The following FOXN3 variants were observed in gnomAD, a reference collection of about 807,000 sequenced individuals.
FOXN3 encodes the protein forkhead box N3, also known as forkhead box protein N3.
In FOXN3, 7 loss-of-function variants were observed where a neutral mutation model predicts 38.4. The ratio of observed to expected loss-of-function variants is 0.18; its 90% CI spans 0.10 to 0.34. FOXN3 has a LOEUF of 0.34. FOXN3 is among the 10% of genes least tolerant of loss of function. FOXN3 has a pLI of 1.00. For synonymous variants in FOXN3, 230 were observed against 242.2 expected (o/e 0.95, Z 0.47); for missense variants, 456 against 613.4 (o/e 0.74, Z 2.71).
chr14:89,397,197 T>C (rs1039490069), intron 2 of FOXN3, among the ~76,000 whole-genome samples: 1 of 151,938 alleles, frequency 6.6e-6, no homozygotes, highest in African/African-American at 2.4e-5. Context: ...GAAAACCAAA[T>C]ACCACATGTT....
At chr14:89,565,093 CAAAAAAAAAA>C (rs59821937) in intron 1 of FOXN3, among the ~76,000 whole-genome samples, 1 of 52,898 alleles carries the variant, frequency 1.9e-5, no homozygotes, top group African/African-American at 7.2e-5. Context: ...GAGCTCGTCT[CAAAAAAAAAA>C]AAAAAAAAAA....
At chr14:89,555,882 G>GTGTGTGTGTGTGTGTGTGTGTGGGTGT (rs58769284) in intron 1 of FOXN3, among the ~76,000 whole-genome samples, 1 of 104,602 alleles carries the variant, frequency 9.6e-6, no homozygotes, top group Non-Finnish European at 2.0e-5. Flanking sequence ...TGTGTATGTG[G>GTGTGTGTGTGTGTGTGTGTGTGGGTGT]GGGTGTATGT....
intron 1 of FOXN3, among the ~76,000 whole-genome samples, chr14:89,585,666 G>A (rs535690172): frequency 3.6e-4 from 54 of 151,286 alleles, no homozygotes; most frequent in African/African-American, 1.3e-3. Context: ...ATAATAGGCC[G>A]GTCTGAGTAC....
At chr14:89,278,186 A>G (rs1185444419) in intron 4 of FOXN3, among the ~76,000 whole-genome samples, 1 of 152,162 alleles carries the variant, frequency 6.6e-6, no homozygotes, top group Non-Finnish European at 1.5e-5. Context: ...CCTCACAATC[A>G]TGGTGGAAGA....
At chr14:89,563,918 C>T (rs1159444239) in intron 1 of FOXN3, among the ~76,000 whole-genome samples, 1 of 152,112 alleles carries the variant, frequency 6.6e-6, no homozygotes, top group Admixed American at 6.6e-5. Context: ...GGCTCAATCT[C>T]GGCTCACTGC....
At chr14:89,464,203 C>T (rs916510242) in intron 1 of FOXN3, among the ~76,000 whole-genome samples, 6 of 152,160 alleles carry the variant, frequency 3.9e-5, no homozygotes, top group South Asian at 2.1e-4. Flanking sequence ...GGAAGCGTCA[C>T]GTATAGGAGG....
intron 4 of FOXN3, among the ~76,000 whole-genome samples, chr14:89,206,168 T>C (rs1365198450): frequency 6.6e-6 from 1 of 152,224 alleles, no homozygotes. Context: ...TATTTTATTA[T>C]AGCAGCCTGA....
intron 2 of FOXN3, among the ~76,000 whole-genome samples, chr14:89,400,677 G>A (rs1305291654): frequency 1.3e-5 from 2 of 151,876 alleles, no homozygotes; most frequent in East Asian, 1.9e-4. Flanking sequence ...CACTAACTGC[G>A]ACCCCTCTTT....
intron 1 of FOXN3, among the ~76,000 whole-genome samples, chr14:89,567,970 C>A (rs529119604): frequency 6.6e-6 from 1 of 152,142 alleles, no homozygotes; most frequent in Non-Finnish European, 1.5e-5. Context: ...GATCCACCCG[C>A]CTCGGCCTCC....
intron 1 of FOXN3, among the ~76,000 whole-genome samples, chr14:89,526,560 A>T (rs1194535308): frequency 1.3e-5 from 2 of 152,186 alleles, no homozygotes; most frequent in African/African-American, 4.8e-5. Context: ...GATATACAAG[A>T]CCCGTATGCT....
At chr14:89,446,111 A>AAAT (rs1203799928) in intron 1 of FOXN3, among the ~76,000 whole-genome samples, 1 of 142,750 alleles carries the variant, frequency 7.0e-6, no homozygotes, top group African/African-American at 2.6e-5. Context: ...AAAAAAAAAA[A>AAAT]TTTTAAGGAA....
At chr14:89,350,559 A>T in intron 3 of FOXN3, 113 bp downstream of exon 3, 1 of 903,696 alleles carries the variant, frequency 1.1e-6, no homozygotes, top group Non-Finnish European at 1.6e-6. Flanking sequence ...TTTCTCATTT[A>T]CCTGCAGTTA....
intron 4 of FOXN3, among the ~76,000 whole-genome samples, chr14:89,251,493 T>G (rs1337558392): frequency 6.6e-6 from 1 of 152,224 alleles, no homozygotes; most frequent in Non-Finnish European, 1.5e-5. Flanking sequence ...TATAAACATA[T>G]GTTAACCAAT....
chr14:89,191,821 C>T (rs1394210670), intron 4 of FOXN3, among the ~76,000 whole-genome samples: 1 of 150,002 alleles, frequency 6.7e-6, no homozygotes, highest in Non-Finnish European at 1.5e-5. Flanking sequence ...AGGCCTGTTA[C>T]TTACATTCCA....
At chr14:89,546,626 G>T (rs1022714123) in intron 1 of FOXN3, among the ~76,000 whole-genome samples, 2 of 150,512 alleles carry the variant, frequency 1.3e-5, no homozygotes, top group African/African-American at 4.9e-5. Context: ...ACTGCACCCG[G>T]CCCCAATAGC....
chr14:89,358,090 G>A (rs541497175), intron 2 of FOXN3, among the ~76,000 whole-genome samples: 2 of 151,774 alleles, frequency 1.3e-5, no homozygotes, highest in African/African-American at 2.4e-5. Flanking sequence ...CAGGTCCAAC[G>A]GCTTCTCAAA....
At chr14:89,270,974 A>G (rs2896106) in intron 4 of FOXN3, among the ~76,000 whole-genome samples, 150,628 of 152,196 alleles carry the variant, frequency 0.99, 74,549 homozygotes, top group Middle Eastern at 1. Flanking sequence ...ATTCATTCTG[A>G]AAGTTCACAC....
intron 1 of FOXN3, among the ~76,000 whole-genome samples, chr14:89,554,249 C>G (rs1895067819): frequency 6.6e-6 from 1 of 152,144 alleles, no homozygotes; most frequent in Admixed American, 6.5e-5. Flanking sequence ...ATCCGCCTTC[C>G]TCGGCCTCCT....
intron 2 of FOXN3, among the ~76,000 whole-genome samples, chr14:89,363,955 T>TATATA (rs1555421688): frequency 7.4e-4 from 4 of 5,434 alleles, no homozygotes; most frequent in African/African-American, 8.5e-4. Flanking sequence ...AAAATATATA[T>TATATA]ATATATATAT....
Sources: allele counts gnomAD v4.1 joint callset (sites outside exome capture counted in the v4.1 genomes callset), GRCh38; gene constraint gnomAD v4.1.1; transcripts MANE v1.5; gene names NCBI Gene and HGNC (gene_info 2026-07-23, HGNC 2026-07-21).